The following CNTLN variants were observed in gnomAD, a reference collection of about 807,000 sequenced individuals.
The protein encoded by CNTLN is centlein, centrosomal protein.
CNTLN carries 212 observed loss-of-function variants against 180.0 expected under a neutral mutation model. That is an observed-to-expected ratio of 1.18 (90% CI 1.05 to 1.32). CNTLN has a LOEUF of 1.32. Ranked by LOEUF, CNTLN falls within the 40% of genes most tolerant of loss-of-function variation. The pLI, the probability that CNTLN is intolerant of heterozygous loss-of-function variation, is 0.00. For synonymous variants in CNTLN, 722 were observed against 563.1 expected (o/e 1.28, Z -3.99); for missense variants, 2,095 against 1,610.9 (o/e 1.30, Z -5.14).
At chr9:17,241,995 C>G (rs1235649943) in intron 5 of CNTLN, among the ~76,000 whole-genome samples, 1 of 152,142 alleles carries the variant, frequency 6.6e-6, no homozygotes, top group Non-Finnish European at 1.5e-5. Context: ...CATTGGCAAA[C>G]AAGGATGATT....
At chr9:17,193,182 C>G (rs998758413) in intron 2 of CNTLN, among the ~76,000 whole-genome samples, 2 of 152,032 alleles carry the variant, frequency 1.3e-5, no homozygotes, top group Non-Finnish European at 2.9e-5. Flanking sequence ...GGACACAGGC[C>G]AAACCATATC....
chr9:17,223,892 G>A (rs1341750406), intron 2 of CNTLN, among the ~76,000 whole-genome samples: 1 of 151,908 alleles, frequency 6.6e-6, no homozygotes, highest in Non-Finnish European at 1.5e-5. Flanking sequence ...CTATAAATGT[G>A]TGTACTTCCG....
Position 17,394,918 on chromosome 9 carries a change from A to G in CNTLN, c.2464A>G (p.Lys822Glu), listed in dbSNP as rs763376640. Residue 822 changes from lysine to glutamate, a missense_variant, in exon 15 of 26, where the codon AAG (lysine) becomes GAG (glutamate). Transcript: ENST00000380647. Reference protein sequence around the residue: ...MKVRSGRYDCKTTMTKVKFKA... With the variant: ...MKVRSGRYDCETTMTKVKFKA... ...AGTGAGATCTGGACGATATGATTGT[A>G]AGACAACTATGACCAAGGTTAAATT... The G allele has an allele frequency of 1.7e-5, 28 of 1,614,000 alleles. No individual in the cohort carries two copies. The highest frequency in any genetic ancestry group is 1.7e-4 in the Admixed American group (10 of 60,002).
intron 1 of CNTLN, among the ~76,000 whole-genome samples, chr9:17,138,644 C>T (rs571830144): frequency 3.3e-5 from 5 of 152,230 alleles, no homozygotes; most frequent in African/African-American, 1.2e-4. Flanking sequence ...TAATAATTTA[C>T]TAAGTGGCTA....
intron 12 of CNTLN, among the ~76,000 whole-genome samples, chr9:17,345,354 T>C (rs968730444): frequency 6.6e-6 from 1 of 151,400 alleles, no homozygotes; most frequent in African/African-American, 2.4e-5. Flanking sequence ...AGTGTATGGA[T>C]ATTTTGCATG....
At chr9:17,279,601 G>C (rs1310361265) in intron 6 of CNTLN, among the ~76,000 whole-genome samples, 1 of 151,326 alleles carries the variant, frequency 6.6e-6, no homozygotes. Context: ...AGAAGCCATA[G>C]ATCTTTGTTT....
intron 2 of CNTLN, among the ~76,000 whole-genome samples, chr9:17,191,067 C>A (rs1563864456): frequency 6.6e-6 from 1 of 152,078 alleles, no homozygotes; most frequent in South Asian, 2.1e-4. Context: ...TATTTATGTC[C>A]TAACAACTTA....
chr9:17,437,357 A>T (rs1362660250), intron 18 of CNTLN, among the ~76,000 whole-genome samples: 1 of 152,214 alleles, frequency 6.6e-6, no homozygotes, highest in Admixed American at 6.5e-5. Context: ...TATCTTACCA[A>T]AGAAAATATT....
intron 2 of CNTLN, among the ~76,000 whole-genome samples, chr9:17,153,810 T>C (rs895160089): frequency 2.0e-5 from 3 of 152,214 alleles, no homozygotes; most frequent in African/African-American, 7.2e-5. Flanking sequence ...GTAGACTTGG[T>C]CTTTTCACAT....
At chr9:17,392,212 C>T (rs751532510) in intron 14 of CNTLN, among the ~76,000 whole-genome samples, 1 of 152,062 alleles carries the variant, frequency 6.6e-6, no homozygotes, top group Non-Finnish European at 1.5e-5. Context: ...GGCTGAAAAA[C>T]CATGATCGAG....
chr9:17,201,552 G>A (rs985408495), intron 2 of CNTLN, among the ~76,000 whole-genome samples: 2 of 152,130 alleles, frequency 1.3e-5, no homozygotes, highest in African/African-American at 4.8e-5. Flanking sequence ...CTTCTTTCTG[G>A]TTTAGTCTTG....
intron 2 of CNTLN, among the ~76,000 whole-genome samples, chr9:17,169,428 T>C (rs545970800): frequency 6.6e-6 from 1 of 152,320 alleles, no homozygotes; most frequent in South Asian, 2.1e-4. Flanking sequence ...CTCACTCTAG[T>C]TCTATGAATT....
chr9:17,260,955 G>T (rs1021351287), intron 5 of CNTLN, among the ~76,000 whole-genome samples: 2 of 151,252 alleles, frequency 1.3e-5, no homozygotes, highest in African/African-American at 2.5e-5. Context: ...TCATGTTTTT[G>T]TCAGCTTTGT....
chr9:17,288,753 A>G (rs1298165203), intron 6 of CNTLN, among the ~76,000 whole-genome samples: 1 of 137,610 alleles, frequency 7.3e-6, no homozygotes, highest in African/African-American at 3.0e-5. Context: ...TCCCTTTACC[A>G]TTATGTAATG....
At chr9:17,257,222 C>T (rs958418439) in intron 5 of CNTLN, among the ~76,000 whole-genome samples, 40 of 151,602 alleles carry the variant, frequency 2.6e-4, no homozygotes, top group South Asian at 1.5e-3. Flanking sequence ...TGAGAATATG[C>T]GGTGTTTGGT....
In CNTLN at chr9:17,330,727, T is replaced by C. The variant is rs1820588757; in HGVS notation, c.1437T>C (p.Asn479=). 1 of 1,612,140 alleles carries C rather than the reference T, an allele frequency of 6.2e-7. No homozygotes were observed. Among genetic ancestry groups the C allele is most frequent in the Non-Finnish European group, 8.5e-7 (1 of 1,178,854 alleles). Residue 479 remains asparagine (N), a synonymous_variant, in exon 9 of 26, where the codon AAT becomes AAC. Coordinates refer to ENST00000380647, the MANE Select transcript of CNTLN (RefSeq NM_017738.4). ...EYLQEKLKIA[N]EKLSENISAN... ...TACAGGAGAAACTAAAGATAGCAAA[T>C]GAAAAACTGTCAGAAAACATATCTG... is the stretch of plus-strand genomic sequence containing the variant.
chr9:17,306,075 A>G (rs897449105), intron 7 of CNTLN, among the ~76,000 whole-genome samples: 2 of 152,034 alleles, frequency 1.3e-5, no homozygotes, highest in Admixed American at 1.3e-4. Context: ...TCTGAATAGG[A>G]ATGCAACTGC....
intron 6 of CNTLN, among the ~76,000 whole-genome samples, chr9:17,296,813 T>C (rs1295231022): frequency 6.6e-6 from 1 of 152,214 alleles, no homozygotes; most frequent in African/African-American, 2.4e-5. Context: ...TCTGTATGGA[T>C]GCAGGGGTTG....
downstream of CNTLN, among the ~76,000 whole-genome samples, chr9:17,505,971 C>G (rs1564160686): frequency 6.6e-6 from 1 of 151,850 alleles, no homozygotes; most frequent in Non-Finnish European, 1.5e-5. Context: ...AAGAAATACA[C>G]CTAAGCAAAT....
Sources: gnomAD v4.1 joint callset for allele counts (sites outside exome capture counted in the v4.1 genomes callset) on GRCh38, gnomAD v4.1.1 for gene constraint, MANE v1.5 for transcripts, NCBI Gene and HGNC (gene_info 2026-07-23, HGNC 2026-07-21) for gene names.